The following ABCA5 variants were observed in gnomAD, a reference collection of about 807,000 sequenced individuals.
ABCA5 encodes the protein cholesterol transporter ABCA5.
In ABCA5, 163 loss-of-function variants were observed where a neutral mutation model predicts 206.0. The ratio of observed to expected loss-of-function variants is 0.79; its 90% CI spans 0.70 to 0.90. ABCA5 has a LOEUF of 0.90. ABCA5 is among the 40% of genes least tolerant of loss of function. The pLI, the probability that ABCA5 is intolerant of heterozygous loss-of-function variation, is 0.00. For synonymous variants in ABCA5, 609 were observed against 613.8 expected (o/e 0.99, Z 0.11); for missense variants, 1,859 against 1,912.9 (o/e 0.97, Z 0.53).
At chr17:69,269,040 A>G (rs1023252283) in intron 22 of ABCA5, among the ~76,000 whole-genome samples, 4 of 152,244 alleles carry the variant, frequency 2.6e-5, no homozygotes, top group Non-Finnish European at 5.9e-5. Flanking sequence ...AATCTAATGA[A>G]GAAACAAATT....
intron 5 of ABCA5, among the ~76,000 whole-genome samples, chr17:69,307,791 T>C (rs2075733208): frequency 6.6e-6 from 1 of 152,132 alleles, no homozygotes; most frequent in Non-Finnish European, 1.5e-5. Flanking sequence ...CCTGTTCAGA[T>C]TTTGATTCCA....
At chr17:69,313,572 T>G (rs1165765150) in intron 2 of ABCA5, among the ~76,000 whole-genome samples, 3 of 152,154 alleles carry the variant, frequency 2.0e-5, no homozygotes, top group Non-Finnish European at 2.9e-5. Flanking sequence ...AGATAATATT[T>G]AAACATCTTA....
In ABCA5 at chr17:69,256,170, T is replaced by C; in HGVS notation, c.3845A>G (p.Gln1282Arg). 6.2e-7 allele frequency: 1 copy of C among 1,604,166 alleles called. No homozygotes were observed. Among genetic ancestry groups the C allele is most frequent in the African/African-American group, 1.3e-5 (1 of 74,528 alleles). Residue 1282 changes from glutamine to arginine, a missense_variant, in exon 29 of 39, where the codon CAG becomes CGG. Physicochemically the swap from Gln to Arg is conservative, Grantham distance 43. Coordinates refer to ENST00000392676, the MANE Select transcript of ABCA5 (RefSeq NM_172232.4). The stretch of plus-strand genomic sequence containing the variant: ...AGAATAAATTACCTCCTCACAACAC[T>C]GGCAACCCATCAGCTCTTTGACCTT... ...RLKVKELMGC[Q>R]CCEEKPSIMV...
At chr17:69,261,378 A>G in intron 25 of ABCA5, 119 bp from the exon 26 acceptor site, 1 of 967,348 alleles carries the variant, frequency 1.0e-6, no homozygotes, top group African/African-American at 1.7e-5. Context: ...AAGAGATGAT[A>G]TTTAGCCAGC....
chr17:69,294,814 G>T (rs2075568681), intron 10 of ABCA5, 101 bp from the exon 11 acceptor site: 3 of 646,032 alleles, frequency 4.6e-6, no homozygotes, highest in Non-Finnish European at 7.4e-6. Context: ...CATTTTATAA[G>T]AATAATAAAA....
chr17:69,270,673 G>C lies in ABCA5; in HGVS notation c.2970C>G (p.Tyr990Ter). ...LPILVNIISN[Y>*]YLYHLNVTET... ...CAGTCACATTTAAATGATAAAGATA[G>C]TAGTTACTAATGATATTCACTAATA... Residue 990 changes from tyrosine (Y) to a stop codon, truncating the protein, a stop_gained, in exon 22 of 39, where the codon TAC becomes TAG. Coordinates refer to ENST00000392676, the MANE Select transcript of ABCA5 (RefSeq NM_172232.4). LOFTEE classifies it high-confidence loss of function. 2 of 1,602,506 alleles carry C rather than the reference G, an allele frequency of 1.2e-6. No homozygotes were observed. The highest frequency in any genetic ancestry group is 1.7e-6 in the Non-Finnish European group (2 of 1,175,354).
At position 69,302,776 on chromosome 17, in the gene ABCA5, G is replaced by A. The variant is rs892454700; in HGVS notation, c.1061C>T (p.Ser354Leu). The stretch of plus-strand genomic sequence containing the variant: ...GAAAGGACTGAAAAGCCACACTAAC[G>A]ATTTGGGAAAACTTTCTATGAGGAT... The part of the protein sequence containing the change: ...MIILIESFPK[S>L]LVWLFSPFCH... Residue 354 changes from serine (S) to leucine (L), a missense_variant, in exon 8 of 39, where the codon TCG (serine) becomes TTG (leucine). Physicochemically the swap from Ser to Leu is moderately radical, Grantham distance 145. Transcript: ENST00000392676. The A allele has an allele frequency of 8.8e-6, 14 of 1,599,050 alleles. No homozygotes were observed. The highest frequency in any genetic ancestry group is 2.3e-5 in the South Asian group (2 of 87,478).
chr17:69,306,872 T>C lies in ABCA5; in HGVS notation c.641A>G (p.Asp214Gly), dbSNP rs2075723015. ...TAAAATTACTCCTCGGGGAAAGGTA[T>C]CTATTTCTACAACAGCAGTTTCTCC... is the stretch of plus-strand genomic sequence containing the variant. ...IMGETAVVEI[D>G]TFPRGVILIY... The change falls in exon 6 of 39, where the codon GAT (aspartate) becomes GGT (glycine). Residue 214 changes from aspartate to glycine, a missense_variant. Asp to Gly is a moderately conservative substitution (Grantham distance 94, BLOSUM62 -1). Transcript: ENST00000392676. 1.9e-6 allele frequency: 3 copies of C among 1,603,066 alleles called. No homozygotes were observed. The South Asian group carries it at 3.3e-5, about 18-fold the overall frequency.
intron 19 of ABCA5, among the ~76,000 whole-genome samples, chr17:69,277,087 C>G (rs2075340740): frequency 6.6e-6 from 1 of 152,106 alleles, no homozygotes; most frequent in Non-Finnish European, 1.5e-5. Context: ...CTAGGAGAAC[C>G]TAACTGAGAA....
chr17:69,275,339 T>C (rs2075320027), intron 19 of ABCA5, among the ~76,000 whole-genome samples: 1 of 152,184 alleles, frequency 6.6e-6, no homozygotes, highest in African/African-American at 2.4e-5. Flanking sequence ...CAGCTACTTA[T>C]CTGATAAAAT....
At chr17:69,285,844 A>G in intron 17 of ABCA5, 54 bp downstream of exon 17, 2 of 1,523,318 alleles carry the variant, frequency 1.3e-6, no homozygotes, top group Non-Finnish European at 8.9e-7. Flanking sequence ...AATGAAACCT[A>G]TTCCCAATAT....
intron 34 of ABCA5, among the ~76,000 whole-genome samples, chr17:69,252,895 A>C (rs2144893479): frequency 6.6e-6 from 1 of 152,106 alleles, no homozygotes; most frequent in Middle Eastern, 3.4e-3. Context: ...GCACTGCATA[A>C]TGACATTTCA....
At position 69,301,189 on chromosome 17, in the gene ABCA5, T is replaced by C. The variant is rs766960002; in HGVS notation, c.1217A>G (p.Asn406Ser). The change falls in exon 9 of 39, where the codon AAT becomes AGT. Residue 406 changes from asparagine to serine, a missense_variant. By Grantham distance (46) the Asn-to-Ser change is conservative (BLOSUM62 1). Coordinates refer to ENST00000392676, the MANE Select transcript of ABCA5 (RefSeq NM_172232.4). ...AGCCAAGAGGACATAGAATATACTA[T>C]TAAGTGTGAGCATGATAATTGTAAT... is the stretch of plus-strand genomic sequence containing the variant. ...LIITIIMLTL[N>S]SIFYVLLAVY... 3.1e-6 allele frequency: 5 copies of C among 1,599,538 alleles called. No homozygotes were observed. The highest frequency in any genetic ancestry group is 4.3e-6 in the Non-Finnish European group (5 of 1,175,968).
chr17:69,272,804 T>A (rs1314370480), intron 20 of ABCA5, among the ~76,000 whole-genome samples: 1 of 152,192 alleles, frequency 6.6e-6, no homozygotes, highest in Non-Finnish European at 1.5e-5. Flanking sequence ...TTATGTAATA[T>A]AACACGCACC....
At chr17:69,257,550 T>C (rs369690051) in intron 28 of ABCA5, among the ~76,000 whole-genome samples, 1 of 151,008 alleles carries the variant, frequency 6.6e-6, no homozygotes, top group South Asian at 2.1e-4. Flanking sequence ...GGAAGGTGAG[T>C]AACTGGAGAT....
At chr17:69,277,607 A>G in intron 19 of ABCA5, 34 bp downstream of exon 19, 1 of 1,512,760 alleles carries the variant, frequency 6.6e-7, no homozygotes, top group Non-Finnish European at 8.9e-7. Context: ...TTAAAAAGCA[A>G]TCCATCAGGT....
At chr17:69,286,487 C>CT (rs1258981037) in intron 15 of ABCA5, among the ~76,000 whole-genome samples, 176 bp from the exon 16 acceptor site, 1 of 152,086 alleles carries the variant, frequency 6.6e-6, no homozygotes, top group African/African-American at 2.4e-5. Flanking sequence ...GATATGAATA[C>CT]TAAGGTAAAA....
At chr17:69,252,099 C>A (rs535829174) in intron 34 of ABCA5, among the ~76,000 whole-genome samples, 30 of 151,394 alleles carry the variant, frequency 2.0e-4, no homozygotes, top group Non-Finnish European at 4.1e-4. Context: ...GCAAGCTCCA[C>A]CTCCCAGGTT....
chr17:69,254,222 T>C, intron 32 of ABCA5, 93 bp downstream of exon 32: 1 of 1,039,616 alleles, frequency 9.6e-7, no homozygotes, highest in Non-Finnish European at 1.4e-6. Context: ...TAAAAATCAT[T>C]GTCCACAGAA....
Sources: gnomAD v4.1 joint callset for allele counts (sites outside exome capture counted in the v4.1 genomes callset) on GRCh38, gnomAD v4.1.1 for gene constraint, MANE v1.5 for transcripts, NCBI Gene and HGNC (gene_info 2026-07-23, HGNC 2026-07-21) for gene names.